The following TPD52L2 variants were observed in gnomAD, a reference collection of about 807,000 sequenced individuals.
The protein encoded by TPD52L2 is tumor protein D54.
Under a neutral mutation model 24.7 loss-of-function variants are expected in TPD52L2, and 19 were observed. That is an observed-to-expected ratio of 0.77 (90% confidence interval 0.54 to 1.13). The LOEUF is 1.13. Ranked by LOEUF, TPD52L2 falls within the 50% of genes most tolerant of loss-of-function variation. The pLI, the probability that TPD52L2 is intolerant of heterozygous loss-of-function variation, is 0.00. For missense variants in TPD52L2, 236 were observed against 250.4 expected, an observed-to-expected ratio of 0.94 and a Z score of 0.39; for synonymous variants, 104 against 100.2, an observed-to-expected ratio of 1.04 and a Z score of -0.23.
At chr20:63,886,416 C>T (rs371850423) in intron 5 of TPD52L2, among the ~76,000 whole-genome samples, 10 of 151,662 alleles carry the variant, frequency 6.6e-5, no homozygotes, top group East Asian at 3.9e-4. Flanking sequence ...GTTGGAGTGC[C>T]GTGGCGCGAT....
chr20:63,875,433 T>C (rs988191208), intron 3 of TPD52L2, among the ~76,000 whole-genome samples: 3 of 152,222 alleles, frequency 2.0e-5, no homozygotes, highest in Admixed American at 1.3e-4. Context: ...TCACATTTCA[T>C]AAATCTCACA....
chr20:63,887,376 A>T (rs3795156), intron 5 of TPD52L2: 4 of 741,106 alleles, frequency 5.4e-6, no homozygotes, highest in Non-Finnish European at 9.6e-6. Flanking sequence ...GGTGCCCCCC[A>T]TGAGGCCAAG....
chr20:63,875,340 CT>C (rs1310998626), intron 3 of TPD52L2, among the ~76,000 whole-genome samples: 1 of 152,108 alleles, frequency 6.6e-6, no homozygotes, highest in Non-Finnish European at 1.5e-5. Context: ...GTCCACGTGG[CT>C]TCTCTGAAAC....
chr20:63,877,394 C>T lies in TPD52L2; in HGVS notation c.374+1519C>T, dbSNP rs537195928. 2.0e-5 allele frequency among the ~76,000 whole-genome samples: 3 copies of T among 152,242 alleles called. No homozygotes were observed. The highest frequency in any genetic ancestry group is 7.2e-5 in the African/African-American group (3 of 41,558). On this transcript the variant is annotated intron_variant, in intron 4 of 6. Coordinates refer to ENST00000346249, the MANE Select transcript of TPD52L2 (RefSeq NM_003288.4). The surrounding 1 kb of genome is among the most constrained non-coding windows in gnomAD (Gnocchi z 4.1). The stretch of plus-strand genomic sequence containing the variant: ...CAGGATGGTTTCGATCTCCTGACCT[C>T]GTGATCCGCCCATCTCGGCCTCCCA...
chr20:63,880,764 G>T (rs1002321098), intron 4 of TPD52L2, among the ~76,000 whole-genome samples: 1 of 151,890 alleles, frequency 6.6e-6, no homozygotes, highest in Non-Finnish European at 1.5e-5. Flanking sequence ...GGTGGCGGGC[G>T]CCTGTAGTCC....
intron 5 of TPD52L2, chr20:63,887,211 CT>C (rs1329446522): frequency 1.5e-5 from 6 of 395,924 alleles, no homozygotes; most frequent in Non-Finnish European, 2.4e-5. Flanking sequence ...TGTGTTTTTA[CT>C]TGACTTGGTG....
chr20:63,873,922 G>A lies in TPD52L2; in HGVS notation c.314+106G>A, dbSNP rs961465109. On this transcript the variant is annotated intron_variant, in intron 3 of 6. Coordinates refer to ENST00000346249, the MANE Select transcript of TPD52L2 (RefSeq NM_003288.4). ...TCATGCCCAGGGACGAGTTGCAGCC[G>A]TGGAGTTGAGTGGCCTGTTTGGAAG... 4.4e-5 allele frequency: 55 copies of A among 1,256,148 alleles called. No individual in the cohort carries two copies. The African/African-American group carries it at 6.9e-4, about 16-fold the overall frequency. The allele number at this position is 1,256,148 out of a possible 1,614,324, so 77.8% of individuals were successfully genotyped here.
intron 1 of TPD52L2, among the ~76,000 whole-genome samples, chr20:63,865,947 A>T (rs1228480479): frequency 7.2e-5 from 11 of 152,124 alleles, no homozygotes; most frequent in Admixed American, 7.2e-4. Context: ...CACCCAGCAT[A>T]CCAGGCCTGT....
At chr20:63,887,127 G>A in intron 5 of TPD52L2, 2 of 296,024 alleles carry the variant, frequency 6.8e-6, no homozygotes, top group South Asian at 2.9e-5. Context: ...GGCCAAGCCG[G>A]GGCGCCGCCA....
In TPD52L2 at chr20:63,877,876, G is replaced by A. The variant is rs1427666888; in HGVS notation, c.374+2001G>A. 6.6e-6 allele frequency among the ~76,000 whole-genome samples: 1 copy of A among 151,992 alleles called. No homozygotes were observed. Among genetic ancestry groups the A allele is most frequent in the East Asian group, 1.9e-4 (1 of 5,194 alleles). On this transcript the variant is annotated intron_variant, in intron 4 of 6. Coordinates refer to ENST00000346249, the MANE Select transcript of TPD52L2 (RefSeq NM_003288.4). The surrounding 1 kb of genome is among the most constrained non-coding windows in gnomAD (Gnocchi z 4.1). Reference sequence around the variant, plus strand: ...TGCCGGGAAGGCCCAGGCCGAGGGCGATGGTTTCTGCCGGGACGGCCCAGG... The same window carrying A: ...TGCCGGGAAGGCCCAGGCCGAGGGCAATGGTTTCTGCCGGGACGGCCCAGG...
intron 4 of TPD52L2, 86 bp from the exon 5 acceptor site, chr20:63,882,633 G>A (rs1349530807): frequency 9.3e-6 from 10 of 1,079,976 alleles, no homozygotes; most frequent in Admixed American, 3.5e-5. Context: ...AGTTTTCCTC[G>A]GGCGTGCTCC....
intron 3 of TPD52L2, 91 bp downstream of exon 3, chr20:63,873,907 G>T (rs1444327307): frequency 7.3e-7 from 1 of 1,369,870 alleles, no homozygotes; most frequent in East Asian, 2.8e-5. Flanking sequence ...TCATGCCCAG[G>T]GACGAGTTGC....
Position 63,889,888 on chromosome 20 carries a change from C to T in TPD52L2, c.564C>T (p.Asn188=), listed in dbSNP as rs551411258. Residue 188 remains asparagine (N), a synonymous_variant, in exon 7 of 7, where the codon AAC becomes AAT. Transcript: ENST00000346249. ...GTGACAGAGAGAACGGCAGTGACAA[C>T]CTCCCTTCCTCAGCGGGGAGTGGTG... is the stretch of plus-strand genomic sequence containing the variant. ...VVGDRENGSD[N]LPSSAGSGDK... 1 of 1,614,210 alleles carries T rather than the reference C, an allele frequency of 6.2e-7. No individual in the cohort carries two copies. Among genetic ancestry groups the T allele is most frequent in the South Asian group, 1.1e-5 (1 of 91,088 alleles).
chr20:63,887,166 G>T (rs2053162063), intron 5 of TPD52L2: 1 of 334,930 alleles, frequency 3.0e-6, no homozygotes, highest in Non-Finnish European at 5.7e-6. Context: ...GAACCGGGAG[G>T]TCTAGAGCCA....
rs1393041899 is a variant in TPD52L2, at chr20:63,886,101, A to G, written c.477-3089A>G. 4.1e-5 allele frequency: 65 copies of G among 1,569,216 alleles called. No individual in the cohort carries two copies. The South Asian group carries it at 5.7e-4, about 14-fold the overall frequency. On this transcript the variant is annotated intron_variant, in intron 5 of 6. Transcript: ENST00000346249. ...TTTTCTCTGAATTGGGGCAGGGTGG[A>G]CTCCGGCAGGGCCCTTGGGCGGCTG...
At chr20:63,870,053 A>G (rs1248241331) in intron 2 of TPD52L2, among the ~76,000 whole-genome samples, 1 of 152,170 alleles carries the variant, frequency 6.6e-6, no homozygotes, top group East Asian at 1.9e-4. Flanking sequence ...GCTTGAGGCC[A>G]GGAGGTCAAG....
chr20:63,884,956 AGCCCCT>A (rs1159794461), intron 5 of TPD52L2, among the ~76,000 whole-genome samples: 12 of 152,122 alleles, frequency 7.9e-5, no homozygotes, highest in Non-Finnish European at 5.9e-5. Flanking sequence ...TGACGTCTGG[AGCCCCT>A]GGTGTATCCC....
At chr20:63,881,382 G>A (rs2052893119) in intron 4 of TPD52L2, among the ~76,000 whole-genome samples, 1 of 151,246 alleles carries the variant, frequency 6.6e-6, no homozygotes, top group Admixed American at 6.6e-5. Context: ...AAGAAAGAAA[G>A]TGCATCCTCT....
chr20:63,869,987 G>C lies in TPD52L2; in HGVS notation c.165+546G>C, dbSNP rs543384734. Among the ~76,000 whole-genome samples the C allele has an allele frequency of 2.0e-5, 3 of 152,096 alleles. No homozygotes were observed. The East Asian group carries it at 5.8e-4, about 29-fold the overall frequency. On this transcript the variant is annotated intron_variant, in intron 2 of 6. Transcript: ENST00000346249. ...GTCTCTACCCCCAAAAATTAGCCAG[G>C]TGTGGTGGCATGTGCCTGTAGTCCC...
Sources: allele counts gnomAD v4.1 joint callset (sites outside exome capture counted in the v4.1 genomes callset), GRCh38; gene constraint gnomAD v4.1.1; non-coding constraint Gnocchi (gnomAD v3.1); transcripts MANE v1.5; gene names NCBI Gene and HGNC (gene_info 2026-07-23, HGNC 2026-07-21).